TM9SF4: variants seen among roughly 807,000 people sequenced by gnomAD.
TM9SF4 encodes the protein transmembrane 9 superfamily member 4.
In TM9SF4, 26 loss-of-function variants were observed where a neutral mutation model predicts 90.4. The observed-to-expected ratio is 0.29, with a 90% confidence interval of 0.21 to 0.40. The LOEUF (loss-of-function observed/expected upper bound fraction) is 0.40, where lower values mean the gene tolerates loss of function less well. Among genes scored for constraint, TM9SF4 ranks in the 10% least tolerant of loss-of-function variants. TM9SF4 has a pLI of 1.00. For synonymous variants in TM9SF4, 293 were observed against 315.4 expected (o/e 0.93, Z 0.75); for missense variants, 549 against 834.8 (o/e 0.66, Z 4.22).
At chr20:32,120,513 T>C (rs534039170) in intron 1 of TM9SF4, among the ~76,000 whole-genome samples, 4 of 152,194 alleles carry the variant, frequency 2.6e-5, no homozygotes, top group Non-Finnish European at 4.4e-5. Flanking sequence ...TTATTAGTTC[T>C]AGTAGTTGTT....
At chr20:32,134,441 C>A (rs1288403847) in intron 2 of TM9SF4, among the ~76,000 whole-genome samples, 1 of 152,204 alleles carries the variant, frequency 6.6e-6, no homozygotes, top group Admixed American at 6.5e-5. Context: ...TTAATCCCTG[C>A]AGTTTCACAC....
chr20:32,113,615 C>T (rs2046179331), intron 1 of TM9SF4, among the ~76,000 whole-genome samples: 1 of 152,140 alleles, frequency 6.6e-6, no homozygotes, highest in East Asian at 1.9e-4. Context: ...CTACTTCCCT[C>T]ACATCATTGT....
chr20:32,143,388 C>G (rs538835975), intron 6 of TM9SF4, among the ~76,000 whole-genome samples: 2 of 152,324 alleles, frequency 1.3e-5, no homozygotes, highest in East Asian at 1.9e-4. Flanking sequence ...TCAAAAGGAG[C>G]TAGTGACTTG....
intron 1 of TM9SF4, among the ~76,000 whole-genome samples, chr20:32,126,271 A>G (rs901949528): frequency 1.1e-4 from 16 of 152,176 alleles, no homozygotes; most frequent in Non-Finnish European, 1.8e-4. Flanking sequence ...TTAGAAATGC[A>G]GAGTCTCAGG....
At chr20:32,141,375 G>A (rs1484905448) in intron 3 of TM9SF4, 122 bp from the exon 4 acceptor site, 2 of 1,186,542 alleles carry the variant, frequency 1.7e-6, no homozygotes, top group East Asian at 4.8e-5. Flanking sequence ...CTGCCAGGCT[G>A]AGGCACTGCT....
chr20:32,163,268 A>AAT (rs1186662308), intron 17 of TM9SF4, among the ~76,000 whole-genome samples: 2,397 of 73,754 alleles, frequency 0.032, 73 homozygotes, highest in Middle Eastern at 0.07. Flanking sequence ...AAAAAAAAAA[A>AAT]ATATATATAT....
At chr20:32,146,272 G>C (rs1043725141) in intron 8 of TM9SF4, among the ~76,000 whole-genome samples, 1 of 152,214 alleles carries the variant, frequency 6.6e-6, no homozygotes, top group African/African-American at 2.4e-5. Context: ...AAATGGGGGT[G>C]GGAGTGGCTC....
chr20:32,149,568 G>A, intron 9 of TM9SF4, 66 bp from the exon 10 acceptor site: 1 of 1,610,774 alleles, frequency 6.2e-7, no homozygotes, highest in East Asian at 2.2e-5. Flanking sequence ...TGTCACCTTG[G>A]GGGTGGTCCC....
At chr20:32,138,271 T>C (rs2046621827) in intron 3 of TM9SF4, among the ~76,000 whole-genome samples, 1 of 152,130 alleles carries the variant, frequency 6.6e-6, no homozygotes, top group African/African-American at 2.4e-5. Context: ...GTGTTCCGGA[T>C]AGAACCCTGG....
chr20:32,163,259 AAAAAAAAAAATAT>A (rs1362293111), intron 17 of TM9SF4, among the ~76,000 whole-genome samples: 17 of 89,186 alleles, frequency 1.9e-4, no homozygotes, highest in East Asian at 6.3e-4. Context: ...AAAAAAAAAA[AAAAAAAAAAATAT>A]ATATATATAT....
chr20:32,138,901 A>G (rs1233707899), intron 3 of TM9SF4, among the ~76,000 whole-genome samples: 11 of 152,180 alleles, frequency 7.2e-5, no homozygotes, highest in African/African-American at 2.4e-5. Flanking sequence ...ACCCCCTCAT[A>G]TCACCACGAG....
rs751422835 is a variant in TM9SF4 at position 32,141,633 on chromosome 20, C to T, written c.366C>T (p.Ala122=). The T allele has an allele frequency of 1.4e-5, 23 of 1,613,992 alleles. No individual in the cohort carries two copies. The highest frequency in any genetic ancestry group is 6.7e-5 in the East Asian group (3 of 44,892). The change falls in exon 4 of 18, where the codon GCC becomes GCT. Residue 122 remains alanine, a synonymous_variant. Coordinates refer to ENST00000398022, the MANE Select transcript of TM9SF4 (RefSeq NM_014742.4). ...TLTVEQSRLV[A]ERITEDYYVH... ...CAGTGGAGCAGAGCCGACTCGTGGC[C>T]GAGCGGATCACAGAAGACTACTACG... is the stretch of plus-strand genomic sequence containing the variant.
chr20:32,136,887 GGA>G (rs899822553), intron 3 of TM9SF4: 18 of 471,234 alleles, frequency 3.8e-5, no homozygotes, highest in African/African-American at 3.6e-4. Context: ...GAAGGAGAAA[GGA>G]GAGAACTGGT....
chr20:32,149,666 G>A lies in TM9SF4; in HGVS notation c.987G>A (p.Leu329=). The A allele has an allele frequency of 6.2e-7, 1 of 1,614,202 alleles. No homozygotes were observed. The highest frequency in any genetic ancestry group is 1.1e-5 in the South Asian group (1 of 91,074). ...EDTMEESGWK[L]VHGDVFRPPQ... ...CCATGGAGGAGTCTGGGTGGAAGTT[G>A]GTGCACGGCGACGTCTTCAGGCCCC... The change falls in exon 10 of 18, where the codon TTG becomes TTA. Residue 329 remains leucine (L), a synonymous_variant. Coordinates refer to ENST00000398022, the MANE Select transcript of TM9SF4 (RefSeq NM_014742.4).
At chr20:32,159,433 G>T (rs2046980474) in intron 15 of TM9SF4, 1 of 154,498 alleles carries the variant, frequency 6.5e-6, no homozygotes. Flanking sequence ...TAGTGGCCCA[G>T]CCCCTCCCTG....
intron 3 of TM9SF4, chr20:32,136,763 TAC>T (rs1213148148): frequency 1.1e-5 from 5 of 453,284 alleles, no homozygotes; most frequent in African/African-American, 1.0e-4. Flanking sequence ...TGTCTAGTCG[TAC>T]ACAGTTATTA....
chr20:32,109,813 G>A, intron 1 of TM9SF4, 58 bp downstream of exon 1: 1 of 1,550,924 alleles, frequency 6.4e-7, no homozygotes, highest in South Asian at 1.2e-5. Context: ...GGGTATCCCA[G>A]GATCTTCCAG....
rs1053294918 is a variant in TM9SF4 at position 32,142,845 on chromosome 20, C to T, written c.529-137C>T. On this transcript the variant is annotated intron_variant, in intron 5 of 17. Coordinates refer to ENST00000398022, the MANE Select transcript of TM9SF4 (RefSeq NM_014742.4). ...GCTGCAGGGAGCCCTTGAAGAGCTT[C>T]TGAGTAGGGGAGTGATGAGAACAGT... The T allele has an allele frequency of 9.4e-6, 11 of 1,167,872 alleles. No homozygotes were observed. In the Admixed American group the frequency reaches 1.7e-4, roughly 18 times the overall value. The allele number at this position is 1,167,872 out of a possible 1,614,324, so 72.3% of individuals were successfully genotyped here.
chr20:32,122,497 CCGGG>C (rs1210673335), intron 1 of TM9SF4, among the ~76,000 whole-genome samples: 5 of 151,172 alleles, frequency 3.3e-5, no homozygotes, highest in African/African-American at 1.2e-4. Context: ...GACGGGGCGG[CCGGG>C]CAGAGACGCT....
Sources: gnomAD v4.1 joint callset for allele counts (sites outside exome capture counted in the v4.1 genomes callset) on GRCh38, gnomAD v4.1.1 for gene constraint, MANE v1.5 for transcripts, NCBI Gene and HGNC (gene_info 2026-07-23, HGNC 2026-07-21) for gene names.